PDE8B: variants seen among roughly 807,000 people sequenced by gnomAD.
PDE8B encodes the protein phosphodiesterase 8B.
In PDE8B, 26 loss-of-function variants were observed where a neutral mutation model predicts 101.3. The observed-to-expected ratio is 0.26, with a 90% CI of 0.19 to 0.36. The LOEUF (loss-of-function observed/expected upper bound fraction) is 0.36. Ranked by LOEUF, PDE8B falls within the 10% of genes least tolerant of loss-of-function variation. PDE8B has a pLI of 1.00. For synonymous variants in PDE8B, 424 were observed against 429.3 expected (o/e 0.99, Z 0.15); for missense variants, 810 against 1,163.1 (o/e 0.70, Z 4.42).
At chr5:77,329,333 A>G (rs1382407124) in intron 4 of PDE8B, among the ~76,000 whole-genome samples, 1 of 152,204 alleles carries the variant, frequency 6.6e-6, no homozygotes, top group Non-Finnish European at 1.5e-5. Flanking sequence ...TGAATGGAAA[A>G]TTTGAGGAGG....
intron 15 of PDE8B, 54 bp from the exon 16 acceptor site, chr5:77,412,046 G>A (rs1320692521): frequency 6.3e-7 from 1 of 1,591,810 alleles, no homozygotes; most frequent in East Asian, 2.2e-5. Flanking sequence ...CAGACACCCG[G>A]GCACTCAAGA....
At chr5:77,311,915 C>T in intron 1 of PDE8B, 79 bp from the exon 2 acceptor site, 1 of 1,101,922 alleles carries the variant, frequency 9.1e-7, no homozygotes, top group Non-Finnish European at 1.4e-6. Context: ...TGGCATAATG[C>T]AATGCGTTGC....
chr5:77,418,237 C>A lies in PDE8B; in HGVS notation c.1920C>A (p.Leu640=). Residue 640 remains leucine (L), a synonymous_variant, in exon 18 of 22, where the codon CTC becomes CTA. Coordinates refer to ENST00000264917, the MANE Select transcript of PDE8B (RefSeq NM_003719.5). The part of the protein sequence containing the change: ...FLGKERVKGS[L]DQLDEVAALI... The stretch of plus-strand genomic sequence containing the variant: ...GCCTCCCCATATCCCAGGGAAGCCT[C>A]GATCAGTTGGATGAGGTGGCAGCCC... The A allele has an allele frequency of 1.2e-6, 2 of 1,610,978 alleles. No individual in the cohort carries two copies. Among genetic ancestry groups the A allele is most frequent in the South Asian group, 1.1e-5 (1 of 91,010 alleles).
intron 2 of PDE8B, among the ~76,000 whole-genome samples, chr5:77,321,531 CA>C (rs1775072345): frequency 6.6e-6 from 1 of 152,146 alleles, no homozygotes; most frequent in Admixed American, 6.5e-5. Context: ...TTCCCAGAAA[CA>C]GAATATCATT....
the PDE8B span, among the ~76,000 whole-genome samples, chr5:77,117,783 T>C: frequency 6.6e-6 from 1 of 152,206 alleles, no homozygotes; most frequent in Admixed American, 6.5e-5. Context: ...TCACATACTG[T>C]CTTGTACTGC....
intron 20 of PDE8B, among the ~76,000 whole-genome samples, chr5:77,423,874 C>T (rs1797299181): frequency 6.6e-6 from 1 of 151,770 alleles, no homozygotes; most frequent in African/African-American, 2.4e-5. Flanking sequence ...TGAGCTCAGG[C>T]AATCCGCCTG....
chr5:77,102,913 CA>C, the PDE8B span, among the ~76,000 whole-genome samples: 36 of 152,326 alleles, frequency 2.4e-4, no homozygotes, highest in African/African-American at 8.2e-4. Flanking sequence ...GCCAAGATGC[CA>C]GCACTCACTT....
intron 10 of PDE8B, among the ~76,000 whole-genome samples, chr5:77,377,520 C>T (rs79716958): frequency 0.08 from 12,126 of 152,226 alleles, 644 homozygotes; most frequent in Non-Finnish European, 0.11. Context: ...CTCATTTGAT[C>T]CTCTTAGATC....
chr5:77,396,016 T>C (rs1252782810), intron 10 of PDE8B, among the ~76,000 whole-genome samples: 2 of 152,254 alleles, frequency 1.3e-5, no homozygotes, highest in African/African-American at 4.8e-5. Context: ...CCATCTGTGA[T>C]TGTTCAGTAG....
chr5:77,185,592 T>C, the PDE8B span, among the ~76,000 whole-genome samples: 77 of 152,266 alleles, frequency 5.1e-4, no homozygotes, highest in African/African-American at 1.8e-3. Flanking sequence ...ATTCAGCCCA[T>C]AACACATTGT....
rs879644123 is a variant in PDE8B at position 77,267,574 on chromosome 5, G to A, written c.340-44420G>A. On this transcript the variant is annotated intron_variant, in intron 1 of 21. Coordinates refer to ENST00000264917, the MANE Select transcript of PDE8B (RefSeq NM_003719.5). ...TTGTGAGTGCCCCACCCTTGCAGAT[G>A]TCAGCAGGAACCAGTTTCTCTTCCA... Among the ~76,000 whole-genome samples, 3 of 152,186 alleles carry A rather than the reference G, an allele frequency of 2.0e-5. No homozygotes were observed. In the South Asian group the frequency reaches 6.2e-4, roughly 32 times the overall value.
intron 10 of PDE8B, among the ~76,000 whole-genome samples, chr5:77,395,185 C>A (rs112841424): frequency 6.7e-6 from 1 of 149,320 alleles, no homozygotes; most frequent in Non-Finnish European, 1.5e-5. Context: ...GGCGCGATCT[C>A]GGCACACTGC....
the PDE8B span, among the ~76,000 whole-genome samples, chr5:77,180,754 C>T: frequency 5.3e-5 from 8 of 152,246 alleles, no homozygotes; most frequent in Non-Finnish European, 1.2e-4. Context: ...CAGACAGCCG[C>T]CGTTCGCGTC....
intron 10 of PDE8B, among the ~76,000 whole-genome samples, chr5:77,372,907 A>G (rs1455379528): frequency 6.6e-6 from 1 of 152,208 alleles, no homozygotes; most frequent in Admixed American, 6.5e-5. Flanking sequence ...GTGCCGCTAT[A>G]ATCCCAGCTA....
chr5:77,225,507 G>A (rs1183380983), intron 1 of PDE8B, among the ~76,000 whole-genome samples: 3 of 151,920 alleles, frequency 2.0e-5, no homozygotes, highest in South Asian at 2.1e-4. Flanking sequence ...GGTTTGTTGC[G>A]TCCATTCCCT....
At chr5:77,344,672 A>G (rs1204373367) in intron 6 of PDE8B, among the ~76,000 whole-genome samples, 181 bp from the exon 7 acceptor site, 3 of 152,220 alleles carry the variant, frequency 2.0e-5, no homozygotes, top group African/African-American at 7.2e-5. Flanking sequence ...TCTTCATACT[A>G]TCACATTGGA....
intron 10 of PDE8B, among the ~76,000 whole-genome samples, chr5:77,356,950 A>G (rs1476606013): frequency 1.3e-5 from 2 of 152,162 alleles, no homozygotes; most frequent in Non-Finnish European, 2.9e-5. Flanking sequence ...GCAATGAGTC[A>G]GCTCCAGACT....
chr5:77,244,768 C>T (rs907921889), intron 1 of PDE8B, among the ~76,000 whole-genome samples: 7 of 151,806 alleles, frequency 4.6e-5, no homozygotes, highest in Admixed American at 1.3e-4. Context: ...CCCAAGGTCA[C>T]GCAGCTATTA....
At chr5:77,250,358 A>C (rs1199227588) in intron 1 of PDE8B, among the ~76,000 whole-genome samples, 1 of 151,840 alleles carries the variant, frequency 6.6e-6, no homozygotes, top group African/African-American at 2.4e-5. Flanking sequence ...GAATCCAGTT[A>C]CTCCCTTCCC....
Sources: gnomAD v4.1 joint callset for allele counts (sites outside exome capture counted in the v4.1 genomes callset) on GRCh38, gnomAD v4.1.1 for gene constraint, MANE v1.5 for transcripts, NCBI Gene and HGNC (gene_info 2026-07-23, HGNC 2026-07-21) for gene names.